The following BCAT1 variants were observed in gnomAD, a reference collection of about 807,000 sequenced individuals.
BCAT1 encodes the protein branched-chain-amino-acid aminotransferase, cytosolic.
BCAT1 carries 48 observed loss-of-function variants against 52.4 expected under a neutral mutation model. The observed-to-expected ratio is 0.92, with a 90% CI of 0.73 to 1.16. BCAT1 has a LOEUF of 1.16. Among genes scored for constraint, BCAT1 ranks in the 50% most tolerant of loss-of-function variants. The pLI, the probability that BCAT1 is intolerant of heterozygous loss-of-function variation, is 0.00. For synonymous variants in BCAT1, 167 were observed against 161.3 expected (o/e 1.04, Z -0.27); for missense variants, 451 against 457.1 (o/e 0.99, Z 0.12).
At chr12:24,844,713 C>G (rs1164310620) in intron 6 of BCAT1, among the ~76,000 whole-genome samples, 1 of 149,570 alleles carries the variant, frequency 6.7e-6, no homozygotes, top group South Asian at 2.1e-4. Flanking sequence ...CTGGCTAACA[C>G]GGTGAAACCT....
intron 1 of BCAT1, chr12:24,902,953 G>C: frequency 6.6e-7 from 1 of 1,508,258 alleles, no homozygotes; most frequent in East Asian, 2.7e-5. Flanking sequence ...GTACCTGGCG[G>C]GCAAGGGCCG....
chr12:24,909,554 C>T (rs1943281621), intron 1 of BCAT1, among the ~76,000 whole-genome samples: 1 of 152,094 alleles, frequency 6.6e-6, no homozygotes, highest in Non-Finnish European at 1.5e-5. Flanking sequence ...GTGGACAGGC[C>T]CAGCTTCCTT....
intron 1 of BCAT1, among the ~76,000 whole-genome samples, chr12:24,939,589 C>G (rs1365768431): frequency 6.6e-6 from 1 of 152,192 alleles, no homozygotes; most frequent in Non-Finnish European, 1.5e-5. Context: ...GTAATCCCAA[C>G]ACTTTGGGAG....
chr12:24,831,978 C>G (rs1940685971), intron 9 of BCAT1, among the ~76,000 whole-genome samples: 1 of 152,188 alleles, frequency 6.6e-6, no homozygotes, highest in African/African-American at 2.4e-5. Context: ...TTAGTAAATG[C>G]ACCAGGTTTG....
rs1011452605 is a variant in BCAT1, at chr12:24,813,532, G to A, written c.*4476C>T. On this transcript the variant is annotated 3_prime_UTR_variant, in exon 11 of 11. Coordinates refer to ENST00000261192, the MANE Select transcript of BCAT1 (RefSeq NM_005504.7). The stretch of plus-strand genomic sequence containing the variant: ...CTTTGCTGAGAAAATCAGCAAGGAT[G>A]CTGTAATCTGTGGTGTTAATTTATT... 2 of 151,994 alleles carry A rather than the reference G, an allele frequency of 1.3e-5. No homozygotes were observed. Among genetic ancestry groups the A allele is most frequent in the Admixed American group, 1.3e-4 (2 of 15,254 alleles). 9.4% of individuals were successfully genotyped at this position (151,994 alleles called of 1,614,324 possible). A position where few individuals can be genotyped will look rare whatever the true frequency, so the allele number is the denominator to read the frequency against.
chr12:24,816,605 A>G lies in BCAT1; in HGVS notation c.*1403T>C, dbSNP rs1220070565. 4.3e-5 allele frequency: 17 copies of G among 397,626 alleles called. No individual in the cohort carries two copies. Among genetic ancestry groups the G allele is most frequent in the Non-Finnish European group, 7.1e-5 (16 of 225,598 alleles). 24.6% of individuals were successfully genotyped at this position (397,626 alleles called of 1,614,324 possible). A position where few individuals can be genotyped will look rare whatever the true frequency, so the allele number is the denominator to read the frequency against. ...TGTTTTCTACCAAAAAAAAAAAAAA[A>G]AGATTTATTTCTGCAATTAACACTT... On this transcript the variant is annotated 3_prime_UTR_variant, in exon 11 of 11. Coordinates refer to ENST00000261192, the MANE Select transcript of BCAT1 (RefSeq NM_005504.7).
At chr12:24,894,037 T>C (rs1421897145) in intron 3 of BCAT1, among the ~76,000 whole-genome samples, 1 of 152,246 alleles carries the variant, frequency 6.6e-6, no homozygotes, top group Non-Finnish European at 1.5e-5. Flanking sequence ...TCCTTTCTAT[T>C]TGCTTTAAAT....
intron 5 of BCAT1, among the ~76,000 whole-genome samples, chr12:24,871,462 A>G (rs1342499228): frequency 1.3e-5 from 2 of 152,238 alleles, no homozygotes; most frequent in Admixed American, 6.5e-5. Flanking sequence ...AAGAAACACA[A>G]TGAAATCTGT....
chr12:24,902,448 G>C, intron 1 of BCAT1: 1 of 1,025,956 alleles, frequency 9.7e-7, no homozygotes, highest in Non-Finnish European at 1.2e-6. Flanking sequence ...ACAGGGAAGC[G>C]GGACTAATTG....
intron 1 of BCAT1, among the ~76,000 whole-genome samples, chr12:24,909,327 G>A (rs943997523): frequency 2.0e-5 from 3 of 152,090 alleles, no homozygotes; most frequent in East Asian, 1.9e-4. Flanking sequence ...GCCATGTCAC[G>A]TCTCTGGAAA....
Position 24,822,981 on chromosome 12 carries a change from T to A in BCAT1, c.1120-4932A>T, listed in dbSNP as rs1012448545. 2.6e-5 allele frequency among the ~76,000 whole-genome samples: 4 copies of A among 152,128 alleles called. No individual in the cohort carries two copies. The South Asian group carries it at 6.2e-4, about 24-fold the overall frequency. ...CATCCTCTGCTTAAACTATATATTT[T>A]ACTTTTAAACTTTTTTACATGGTCT... On this transcript the variant is annotated intron_variant, in intron 10 of 10. Transcript: ENST00000261192.
At chr12:24,875,166 C>G (rs992484136) in intron 5 of BCAT1, among the ~76,000 whole-genome samples, 1 of 152,146 alleles carries the variant, frequency 6.6e-6, no homozygotes, top group South Asian at 2.1e-4. Context: ...AAGCTACTGG[C>G]ACCAGTCTTC....
intron 2 of BCAT1, among the ~76,000 whole-genome samples, chr12:24,897,109 G>A (rs1048317976): frequency 2.0e-5 from 3 of 152,124 alleles, no homozygotes; most frequent in Admixed American, 6.6e-5. Context: ...AATACAGTAC[G>A]ACAAACTTAA....
intron 4 of BCAT1, 117 bp from the exon 5 acceptor site, chr12:24,878,766 TAAG>T (rs2139591354): frequency 9.7e-7 from 1 of 1,030,970 alleles, no homozygotes; most frequent in East Asian, 2.7e-5. Context: ...CACAAAAAAA[TAAG>T]AAATGTTTGA....
At chr12:24,904,947 A>C (rs2139690042) in intron 1 of BCAT1, among the ~76,000 whole-genome samples, 1 of 152,386 alleles carries the variant, frequency 6.6e-6, no homozygotes, top group South Asian at 2.1e-4. Flanking sequence ...TTGACTCAGA[A>C]AGGCCTGGAA....
At chr12:24,917,664 A>G (rs1371985263) in intron 1 of BCAT1, among the ~76,000 whole-genome samples, 1 of 152,232 alleles carries the variant, frequency 6.6e-6, no homozygotes, top group Non-Finnish European at 1.5e-5. Context: ...ATACCATGAC[A>G]TATCAGCCTT....
intron 5 of BCAT1, among the ~76,000 whole-genome samples, chr12:24,876,818 G>C (rs1238276991): frequency 6.6e-6 from 1 of 152,158 alleles, no homozygotes; most frequent in Non-Finnish European, 1.5e-5. Context: ...GCGGGAGGAG[G>C]AAGAGCATCA....
intron 7 of BCAT1, among the ~76,000 whole-genome samples, chr12:24,838,548 C>T (rs150591274): frequency 1.2e-3 from 188 of 151,882 alleles, no homozygotes; most frequent in African/African-American, 4.2e-3. Context: ...GCCCCCAAAC[C>T]GGACCTTTCC....
intron 1 of BCAT1, among the ~76,000 whole-genome samples, chr12:24,929,299 A>T (rs1373698626): frequency 1.3e-5 from 2 of 152,166 alleles, no homozygotes; most frequent in East Asian, 3.8e-4. Context: ...GTATCTTTAA[A>T]CTAGATTCTG....
Sources: allele counts gnomAD v4.1 joint callset (sites outside exome capture counted in the v4.1 genomes callset), GRCh38; gene constraint gnomAD v4.1.1; transcripts MANE v1.5; gene names NCBI Gene and HGNC (gene_info 2026-07-23, HGNC 2026-07-21).